Variants in RORA observed in about 807,000 individuals in gnomAD.
RORA encodes the protein RAR related orphan receptor A.
A neutral mutation model predicts 69.5 loss-of-function variants in RORA; 7 were observed. That is an observed-to-expected ratio of 0.10 (90% CI 0.06 to 0.19). The LOEUF (loss-of-function observed/expected upper bound fraction) is 0.19, where lower values mean the gene tolerates loss of function less well. Ranked by LOEUF, RORA falls within the 10% of genes least tolerant of loss-of-function variation. RORA has a pLI of 1.00. For missense variants in RORA, 457 were observed against 663.0 expected, an observed-to-expected ratio of 0.69 and a Z score of 3.41; for synonymous variants, 261 against 240.8, an observed-to-expected ratio of 1.08 and a Z score of -0.78.
chr15:61,065,446 T>C (rs1167574458), intron 1 of RORA, among the ~76,000 whole-genome samples: 1 of 152,180 alleles, frequency 6.6e-6, no homozygotes, highest in Non-Finnish European at 1.5e-5. Context: ...TTCCAACACT[T>C]CATGATGCTT....
chr15:60,643,877 T>C (rs2069989094), intron 2 of RORA, among the ~76,000 whole-genome samples: 1 of 152,054 alleles, frequency 6.6e-6, no homozygotes, highest in Non-Finnish European at 1.5e-5. Context: ...AAAAAATAAA[T>C]AAAAAACTGA....
intron 1 of RORA, among the ~76,000 whole-genome samples, chr15:60,838,952 G>A (rs1220560918): frequency 2.0e-5 from 3 of 150,284 alleles, no homozygotes; most frequent in African/African-American, 4.9e-5. Flanking sequence ...GCAGTGGCGC[G>A]ATCTCTCCTC....
chr15:60,540,450 C>A (rs1415763975), intron 2 of RORA, among the ~76,000 whole-genome samples: 2 of 151,966 alleles, frequency 1.3e-5, no homozygotes, highest in Non-Finnish European at 2.9e-5. Context: ...CACACCTAAG[C>A]CTACGAGAAA....
intron 1 of RORA, among the ~76,000 whole-genome samples, chr15:60,947,215 G>C (rs554820846): frequency 6.6e-6 from 1 of 152,196 alleles, no homozygotes; most frequent in Non-Finnish European, 1.5e-5. Context: ...CATTGAGAAC[G>C]GGCCATGATG....
chr15:60,694,014 G>T (rs1223513289), intron 1 of RORA, among the ~76,000 whole-genome samples: 2 of 152,060 alleles, frequency 1.3e-5, no homozygotes, highest in Non-Finnish European at 2.9e-5. Context: ...AAAGAACAAA[G>T]CAGGAGGCAT....
intron 1 of RORA, among the ~76,000 whole-genome samples, chr15:61,218,722 C>A (rs947157177): frequency 6.9e-6 from 1 of 144,188 alleles, no homozygotes; most frequent in Non-Finnish European, 1.5e-5. Flanking sequence ...TTTCCTTCTA[C>A]AAAAAAGATG....
At chr15:60,950,841 G>C (rs1472702122) in intron 1 of RORA, among the ~76,000 whole-genome samples, 1 of 130,938 alleles carries the variant, frequency 7.6e-6, no homozygotes, top group African/African-American at 3.0e-5. Flanking sequence ...TTAATAATGG[G>C]AGACTTTAAC....
At chr15:60,869,172 C>G (rs1170916795) in intron 1 of RORA, among the ~76,000 whole-genome samples, 1 of 152,126 alleles carries the variant, frequency 6.6e-6, no homozygotes, top group East Asian at 1.9e-4. Context: ...ATTGCAGGTC[C>G]TCAGTGCAGC....
chr15:60,509,685 A>G (rs936764514), intron 5 of RORA, among the ~76,000 whole-genome samples: 6 of 152,150 alleles, frequency 3.9e-5, no homozygotes, highest in Admixed American at 3.3e-4. Context: ...TCAGCTTTCA[A>G]TCAAATCCTT....
intron 1 of RORA, among the ~76,000 whole-genome samples, chr15:61,220,113 G>A (rs1328481089): frequency 6.6e-6 from 1 of 152,188 alleles, no homozygotes; most frequent in Admixed American, 6.5e-5. Flanking sequence ...TGCCAGAAAT[G>A]GTAAAATACA....
intron 2 of RORA, among the ~76,000 whole-genome samples, chr15:60,569,886 T>C (rs911575800): frequency 6.6e-6 from 1 of 152,090 alleles, no homozygotes; most frequent in Non-Finnish European, 1.5e-5. Context: ...TTAGCAGATA[T>C]TAACTGCAGC....
intron 1 of RORA, among the ~76,000 whole-genome samples, chr15:61,111,221 C>T (rs1337913176): frequency 1.3e-5 from 2 of 152,166 alleles, no homozygotes; most frequent in South Asian, 2.1e-4. Context: ...ATGTGTATAG[C>T]TTACCCTCAA....
At chr15:60,540,867 TA>T (rs1331624962) in intron 2 of RORA, among the ~76,000 whole-genome samples, 1 of 152,122 alleles carries the variant, frequency 6.6e-6, no homozygotes, top group Non-Finnish European at 1.5e-5. Context: ...CCCAGAACAC[TA>T]AAAAGACAAC....
chr15:60,570,768 A>G (rs748279182), intron 2 of RORA, among the ~76,000 whole-genome samples: 1 of 152,196 alleles, frequency 6.6e-6, no homozygotes, highest in Non-Finnish European at 1.5e-5. Flanking sequence ...GTCACAGTAC[A>G]GTAGTTGGAG....
intron 1 of RORA, among the ~76,000 whole-genome samples, chr15:61,005,393 T>C (rs1326103505): frequency 6.6e-6 from 1 of 152,158 alleles, no homozygotes; most frequent in East Asian, 1.9e-4. Context: ...GGCAGGAGAA[T>C]TGCTTGAACC....
Position 61,061,214 on chromosome 15 carries a change from A to G in RORA, c.166+167839T>C, listed in dbSNP as rs1356271238. 3.3e-5 allele frequency among the ~76,000 whole-genome samples: 5 copies of G among 152,108 alleles called. No individual in the cohort carries two copies. The East Asian group carries it at 9.7e-4, about 29-fold the overall frequency. On this transcript the variant is annotated intron_variant, in intron 1 of 10. Coordinates refer to ENST00000335670, the MANE Select transcript of RORA (RefSeq NM_134261.3). This position sits in a 1 kb window ranked among gnomAD's most constrained non-coding sequence, Gnocchi z 4.4. ...TAAAACCACAAAACATTAGCCGGGC[A>G]TGGTGGCGGGCGCCTGTGGTCCCAG...
chr15:61,067,796 T>C (rs943520227), intron 1 of RORA, among the ~76,000 whole-genome samples: 2 of 152,194 alleles, frequency 1.3e-5, no homozygotes, highest in Non-Finnish European at 2.9e-5. Context: ...ATAATGTTCA[T>C]CCCATCCATT....
chr15:61,118,670 G>A (rs1389336571), intron 1 of RORA, among the ~76,000 whole-genome samples: 4 of 152,070 alleles, frequency 2.6e-5, no homozygotes, highest in African/African-American at 4.8e-5. Flanking sequence ...ACCTGGAGCC[G>A]GACGGCAATG....
chr15:60,648,365 C>CA (rs1224149634), intron 2 of RORA, among the ~76,000 whole-genome samples: 1 of 152,124 alleles, frequency 6.6e-6, no homozygotes, highest in Non-Finnish European at 1.5e-5. Context: ...TCAGAAAATA[C>CA]AAAAAATAAT....
Sources: allele counts gnomAD v4.1 joint callset (sites outside exome capture counted in the v4.1 genomes callset), GRCh38; gene constraint gnomAD v4.1.1; non-coding constraint Gnocchi (gnomAD v3.1); transcripts MANE v1.5; gene names NCBI Gene and HGNC (gene_info 2026-07-23, HGNC 2026-07-21).